The following SLIT1 variants were observed in gnomAD, a reference collection of about 807,000 sequenced individuals.
SLIT1 encodes slit guidance ligand 1, also known as slit homolog 1 protein.
In SLIT1, 66 loss-of-function variants were observed where a neutral mutation model predicts 186.1. The observed-to-expected ratio is 0.35, with a 90% confidence interval of 0.29 to 0.44. SLIT1 has a LOEUF of 0.44. Among genes scored for constraint, SLIT1 ranks in the 20% least tolerant of loss-of-function variants. The probability of loss-of-function intolerance (pLI) is 1.00; values close to 1 mark genes in which losing one functional copy is unlikely to be tolerated. For missense variants in SLIT1, 1,638 were observed against 2,037.4 expected (o/e 0.80, Z 3.77); for synonymous variants, 761 against 833.8 (o/e 0.91, Z 1.50).
chr10:97,169,595 C>A (rs181883541), intron 1 of SLIT1, among the ~76,000 whole-genome samples: 9 of 152,348 alleles, frequency 5.9e-5, no homozygotes, highest in Non-Finnish European at 1.3e-4. Flanking sequence ...AGCCCCAGGG[C>A]AGCCAGGGCA....
intron 21 of SLIT1, among the ~76,000 whole-genome samples, chr10:97,038,401 G>C (rs947948441): frequency 2.5e-4 from 38 of 152,266 alleles, no homozygotes; most frequent in African/African-American, 8.2e-4. Context: ...AGCCTCTTCT[G>C]TCTGTTCTCT....
intron 10 of SLIT1, among the ~76,000 whole-genome samples, 161 bp downstream of exon 10, chr10:97,059,926 G>A (rs973280488): frequency 3.3e-5 from 5 of 152,152 alleles, no homozygotes; most frequent in African/African-American, 1.2e-4. Context: ...GGAGGTCCCC[G>A]CATCACAGCC....
rs1049516743 is a variant in SLIT1, at chr10:97,185,636, C to A, written c.39G>T (p.Pro13=). Residue 13 remains proline (P), a synonymous_variant, in exon 1 of 37, where the codon CCG becomes CCT. Transcript: ENST00000266058. ...GCAGCAGCCAGAGCTCCGGCCGGACCGGCCCCGCCGAGGACCCCCACCCGG... is the reference window on the plus strand; with the variant it reads ...GCAGCAGCCAGAGCTCCGGCCGGACAGGCCCCGCCGAGGACCCCCACCCGG... The part of the protein sequence containing the change: ...LTPGWGSSAG[P]VRPELWLLLW... 2 of 1,540,880 alleles carry A rather than the reference C, an allele frequency of 1.3e-6. No homozygotes were observed. Among genetic ancestry groups the A allele is most frequent in the African/African-American group, 2.8e-5 (2 of 72,294 alleles).
chr10:97,174,605 C>G (rs1048841049), intron 1 of SLIT1, among the ~76,000 whole-genome samples: 19 of 152,204 alleles, frequency 1.2e-4, no homozygotes, highest in Admixed American at 9.2e-4. Flanking sequence ...TCCACCCTTG[C>G]GCCTGGGCTC....
intron 4 of SLIT1, among the ~76,000 whole-genome samples, chr10:97,083,954 C>G (rs1432425353): frequency 2.0e-5 from 3 of 152,138 alleles, no homozygotes; most frequent in African/African-American, 7.2e-5. Context: ...TTTGGCACAC[C>G]TCTGGGCCAC....
intron 10 of SLIT1, 23 bp from the exon 11 acceptor site, chr10:97,059,554 G>C (rs1330702719): frequency 1.9e-6 from 3 of 1,605,358 alleles, no homozygotes; most frequent in African/African-American, 2.7e-5. Flanking sequence ...CAGAAGGAGA[G>C]GGGGCATCTG....
intron 4 of SLIT1, among the ~76,000 whole-genome samples, chr10:97,137,421 G>C (rs1849713217): frequency 6.6e-6 from 1 of 152,144 alleles, no homozygotes; most frequent in Non-Finnish European, 1.5e-5. Context: ...CTAAATACAG[G>C]ATGAGGATTA....
rs543913763 is a variant in SLIT1 at position 97,021,275 on chromosome 10, C to T, written c.2721G>A (p.Thr907=). The change falls in exon 26 of 37, where the codon ACG becomes ACA. Residue 907 remains threonine, a synonymous_variant. Transcript: ENST00000266058. The surrounding 1 kb of genome is among the most constrained non-coding windows in gnomAD (Gnocchi z 4.5). Reference sequence around the variant, plus strand: ...CTTGGCATTCAAACTTCTTGGCAGGCGTGGTGAGGAGCAGCTTGCCCTCCA... The same window carrying T: ...CTTGGCATTCAAACTTCTTGGCAGGTGTGGTGAGGAGCAGCTTGCCCTCCA... ...QDMEGKLLLT[T]PAKKFECQGP... 35 of 1,614,088 alleles carry T rather than the reference C, an allele frequency of 2.2e-5. No homozygotes were observed. In the South Asian group the frequency reaches 2.5e-4, roughly 12 times the overall value.
chr10:97,185,361 G>A, intron 1 of SLIT1, 117 bp downstream of exon 1: 1 of 1,004,546 alleles, frequency 1.0e-6, no homozygotes, highest in Non-Finnish European at 1.5e-6. Context: ...ACCCGTCTGT[G>A]GGCTGCGGAG....
chr10:97,157,996 T>C, intron 3 of SLIT1, 107 bp from the exon 4 acceptor site: 1 of 834,064 alleles, frequency 1.2e-6, no homozygotes, highest in Admixed American at 1.8e-5. Flanking sequence ...AGTATTCAAA[T>C]CCTAACAGGG....
intron 26 of SLIT1, among the ~76,000 whole-genome samples, chr10:97,020,217 C>A (rs1410263606): frequency 2.6e-5 from 4 of 152,032 alleles, no homozygotes; most frequent in African/African-American, 9.7e-5. Context: ...AAGCGACCCT[C>A]CCACCTCAAC....
chr10:97,062,785 T>A (rs1305409514), intron 8 of SLIT1, among the ~76,000 whole-genome samples: 1 of 152,240 alleles, frequency 6.6e-6, no homozygotes, highest in Non-Finnish European at 1.5e-5. Context: ...CTCGACACAG[T>A]GCTGACGGCC....
At chr10:97,037,483 G>T (rs1008785795) in intron 22 of SLIT1, among the ~76,000 whole-genome samples, 3 of 152,124 alleles carry the variant, frequency 2.0e-5, no homozygotes, top group African/African-American at 7.2e-5. Context: ...GAGGAGGCAG[G>T]TCCAACCCAA....
chr10:97,112,089 G>A (rs1263710235), intron 4 of SLIT1, among the ~76,000 whole-genome samples: 1 of 152,072 alleles, frequency 6.6e-6, no homozygotes, highest in Non-Finnish European at 1.5e-5. Context: ...CGTTCCCTTC[G>A]CTGTCCAAGG....
At chr10:97,176,823 C>T (rs1277226721) in intron 1 of SLIT1, among the ~76,000 whole-genome samples, 246 of 152,344 alleles carry the variant, frequency 1.6e-3, no homozygotes, top group Non-Finnish European at 3.0e-3. Flanking sequence ...GTAGCCACTG[C>T]TCTCCACTGT....
intron 4 of SLIT1, among the ~76,000 whole-genome samples, chr10:97,069,219 C>T (rs562975872): frequency 7.9e-5 from 12 of 152,314 alleles, no homozygotes; most frequent in African/African-American, 2.9e-4. Context: ...CATGGTCATG[C>T]GAGTTCCTCA....
intron 1 of SLIT1, among the ~76,000 whole-genome samples, chr10:97,180,478 T>C (rs1231926780): frequency 2.6e-5 from 4 of 152,238 alleles, no homozygotes; most frequent in Admixed American, 6.5e-5. Context: ...TCTCCCCTGC[T>C]GGACTAAAAC....
At chr10:97,095,768 C>T (rs996255464) in intron 4 of SLIT1, among the ~76,000 whole-genome samples, 11 of 152,302 alleles carry the variant, frequency 7.2e-5, no homozygotes, top group South Asian at 4.1e-4. Flanking sequence ...GTTTCCTGCA[C>T]CAGGTGTGTG....
rs72821728 is a variant in SLIT1 at position 97,137,449 on chromosome 10, T to C, written c.413+20369A>G. 6.2e-3 allele frequency among the ~76,000 whole-genome samples: 947 copies of C among 152,366 alleles called. 4 individuals are homozygous for C. The highest frequency in any genetic ancestry group is 9.8e-3 in the Non-Finnish European group (669 of 68,028). On this transcript the variant is annotated intron_variant, in intron 4 of 36. Coordinates refer to ENST00000266058, the MANE Select transcript of SLIT1 (RefSeq NM_003061.3). Reference sequence around the variant, plus strand: ...GAGGATTAAGATGCTGGAAATGTAATTGTTTTATTTTGTTCCCCATATTTT... The same window carrying C: ...GAGGATTAAGATGCTGGAAATGTAACTGTTTTATTTTGTTCCCCATATTTT...
Sources: gnomAD v4.1 joint callset for allele counts (sites outside exome capture counted in the v4.1 genomes callset) on GRCh38, gnomAD v4.1.1 for gene constraint, Gnocchi (gnomAD v3.1) non-coding constraint, MANE v1.5 for transcripts, NCBI Gene and HGNC (gene_info 2026-07-23, HGNC 2026-07-21) for gene names.